Variants in GFM1 observed in about 807,000 individuals in gnomAD.
GFM1 encodes G elongation factor mitochondrial 1.
GFM1 carries 62 observed loss-of-function variants against 96.2 expected under a neutral mutation model. That is an observed-to-expected ratio of 0.64 (90% CI 0.53 to 0.80). The LOEUF is 0.80. Among genes scored for constraint, GFM1 ranks in the 30% least tolerant of loss-of-function variants. The pLI, the probability that GFM1 is intolerant of heterozygous loss-of-function variation, is 0.00. For synonymous variants in GFM1, 282 were observed against 312.9 expected (o/e 0.90, Z 1.04); for missense variants, 852 against 916.6 (o/e 0.93, Z 0.91).
intron 14 of GFM1, 38 bp from the exon 15 acceptor site, chr3:158,684,486 A>G (rs755346473): frequency 1.1e-5 from 18 of 1,612,224 alleles, no homozygotes; most frequent in Non-Finnish European, 1.5e-5. Context: ...TGCAAGTAAA[A>G]TCCACTCACT....
chr3:158,646,784 G>A lies in GFM1; in HGVS notation c.409G>A (p.Val137Met), dbSNP rs767325554. The A allele has an allele frequency of 6.2e-7, 1 of 1,614,182 alleles. No individual in the cohort carries two copies. The highest frequency in any genetic ancestry group is 1.1e-5 in the South Asian group (1 of 91,074). Residue 137 changes from valine to methionine, a missense_variant, in exon 4 of 18, where the codon GTG (valine) becomes ATG (methionine). Physicochemically the swap from Val to Met is conservative, Grantham distance 21. Coordinates refer to ENST00000486715, the MANE Select transcript of GFM1 (RefSeq NM_024996.7). The part of the protein sequence containing the change: ...FTIEVERALR[V>M]LDGAVLVLCA... ...AATAGAAGTGGAAAGGGCCCTGAGA[G>A]TGTTGGATGGTGCAGTCCTTGTTCT...
intron 10 of GFM1, among the ~76,000 whole-genome samples, chr3:158,661,430 G>T (rs2108041607): frequency 6.6e-6 from 1 of 152,290 alleles, no homozygotes; most frequent in East Asian, 1.9e-4. Flanking sequence ...AGACCAGACT[G>T]TAACATTTAG....
At chr3:158,655,819 CT>C in intron 8 of GFM1, 1 of 453,564 alleles carries the variant, frequency 2.2e-6, no homozygotes, top group South Asian at 1.6e-5. Flanking sequence ...TGTCTAGGTC[CT>C]TTTTCCGTCT....
chr3:158,682,446 A>G, intron 14 of GFM1: 2 of 353,508 alleles, frequency 5.7e-6, no homozygotes, highest in South Asian at 3.1e-5. Context: ...AATTTGTAGT[A>G]GTTCTTAGGG....
chr3:158,673,920 T>C (rs1340972103), intron 13 of GFM1, among the ~76,000 whole-genome samples: 7 of 149,788 alleles, frequency 4.7e-5, no homozygotes, highest in Admixed American at 1.3e-4. Flanking sequence ...GTTTCATGCT[T>C]ATTATTGTCT....
Position 158,684,641 on chromosome 3 carries a change from C to A in GFM1, c.1882C>A (p.Arg628=). ...TGATTCTAATGAAATCTCTTTCATC[C>A]GAGCAGGAGAAGGTGCTCTTAAACA... The part of the protein sequence containing the change: ...MVDSNEISFI[R]AGEGALKQAL... The change falls in exon 15 of 18, where the codon CGA becomes AGA. Residue 628 remains arginine, a synonymous_variant. Transcript: ENST00000486715. 3.1e-6 allele frequency: 5 copies of A among 1,614,012 alleles called. No individual in the cohort carries two copies. The highest frequency in any genetic ancestry group is 4.2e-6 in the Non-Finnish European group (5 of 1,179,968).
chr3:158,663,304 A>G (rs1723338340), intron 11 of GFM1, among the ~76,000 whole-genome samples: 1 of 152,354 alleles, frequency 6.6e-6, no homozygotes, highest in Non-Finnish European at 1.5e-5. Flanking sequence ...ATCTCAAACC[A>G]TAACTTTTTA....
At chr3:158,690,510 C>T (rs1219626702) in intron 16 of GFM1, 187 bp downstream of exon 16, 3 of 598,616 alleles carry the variant, frequency 5.0e-6, no homozygotes, top group African/African-American at 1.9e-5. Flanking sequence ...TTTATTTTAT[C>T]TTGACCTTTT....
chr3:158,682,806 CTTGAGCCCAGGAGT>C lies in GFM1; in HGVS notation c.1764+655_1764+668del, dbSNP rs577292677. ...TTGGGAGGCCGAGGCGGGCAGATCA[CTTGAGCCCAGGAGT>C]TTGAGACCAGCGTGGGCAACATGCT... On this transcript the variant is annotated intron_variant, in intron 14 of 17. Transcript: ENST00000486715. 2.9e-4 allele frequency among the ~76,000 whole-genome samples: 44 copies of C among 152,268 alleles called. No individual in the cohort carries two copies. The South Asian group carries it at 8.9e-3, about 31-fold the overall frequency.
intron 5 of GFM1, chr3:158,650,836 C>T (rs1038514284): frequency 1.3e-5 from 2 of 152,046 alleles, no homozygotes; most frequent in African/African-American, 4.8e-5. Flanking sequence ...TCCTGGCTAA[C>T]ACGGTGAAAC....
At chr3:158,690,442 G>T in intron 16 of GFM1, 119 bp downstream of exon 16, 2 of 937,376 alleles carry the variant, frequency 2.1e-6, no homozygotes, top group South Asian at 2.7e-5. Flanking sequence ...TTATACATGT[G>T]GCATTTTCTG....
chr3:158,652,174 TG>T lies in GFM1; in HGVS notation c.769del (p.Val257LeufsTer23), dbSNP rs2108017010. The T allele has an allele frequency of 6.2e-7, 1 of 1,613,968 alleles. No homozygotes were observed. The highest frequency in any genetic ancestry group is 8.5e-7 in the Non-Finnish European group (1 of 1,179,822). On this transcript the variant is annotated frameshift_variant, in exon 6 of 18. Coordinates refer to ENST00000486715, the MANE Select transcript of GFM1 (RefSeq NM_024996.7). LOFTEE classifies it high-confidence loss of function. Reference protein sequence around the residue: ...TDHRQELIECVANSDEQLGEM... With the variant: ...TDHRQELIECXANSDEQLGEM... Reference sequence around the variant, plus strand: ...ACCACCGGCAGGAGCTAATTGAATGTGTTGCCAATTCAGATGAACAGCTTGG... The same window carrying T: ...ACCACCGGCAGGAGCTAATTGAATGTTTGCCAATTCAGATGAACAGCTTGG...
chr3:158,653,778 A>G (rs1314807666), intron 7 of GFM1, among the ~76,000 whole-genome samples: 1 of 151,984 alleles, frequency 6.6e-6, no homozygotes, highest in Non-Finnish European at 1.5e-5. Flanking sequence ...AAGTTTTAAG[A>G]AACAAACTTC....
intron 13 of GFM1, among the ~76,000 whole-genome samples, chr3:158,673,760 T>C (rs1165370581): frequency 1.3e-5 from 2 of 151,974 alleles, no homozygotes; most frequent in African/African-American, 2.4e-5. Context: ...CACCTTAGCC[T>C]CCCAAAGTGC....
intron 10 of GFM1, among the ~76,000 whole-genome samples, chr3:158,661,573 G>C (rs1229029777): frequency 1.3e-5 from 2 of 152,178 alleles, no homozygotes; most frequent in Non-Finnish European, 2.9e-5. Flanking sequence ...GGGATTCTGA[G>C]GGAAGAGCAT....
At chr3:158,682,260 T>C (rs1020717852) in intron 14 of GFM1, 103 bp downstream of exon 14, 97 of 982,968 alleles carry the variant, frequency 9.9e-5, no homozygotes, top group Non-Finnish European at 1.3e-4. Flanking sequence ...TCACAGTTTG[T>C]TTTAGTTACA....
chr3:158,687,007 A>T (rs1057340326), intron 15 of GFM1, among the ~76,000 whole-genome samples: 2 of 150,746 alleles, frequency 1.3e-5, no homozygotes, highest in Non-Finnish European at 3.0e-5. Flanking sequence ...TGCTGGGATT[A>T]CTTTTCTATT....
Position 158,691,625 on chromosome 3 carries a change from C to T in GFM1, c.*158C>T. On this transcript the variant is annotated 3_prime_UTR_variant, in exon 18 of 18. Transcript: ENST00000486715. ...AAAAGAAGCCCTTCTTGTTCATATT[C>T]AGGAGCTTCTGTTATATTCAAAGGT... The T allele has an allele frequency of 2.9e-6, 2 of 692,878 alleles. No individual in the cohort carries two copies. The highest frequency in any genetic ancestry group is 3.3e-5 in the South Asian group (2 of 59,972). 42.9% of individuals were successfully genotyped at this position (692,878 alleles called of 1,614,324 possible).
rs1724476863 is a variant in GFM1 at position 158,672,716 on chromosome 3, TG to T, written c.1601+6331del. The T allele has an allele frequency of 9.4e-6, 4 of 424,774 alleles. No individual in the cohort carries two copies. In the South Asian group the frequency reaches 9.9e-5, roughly 11 times the overall value. The allele number at this position is 424,774 out of a possible 1,614,324, so 26.3% of individuals were successfully genotyped here. On this transcript the variant is annotated intron_variant, in intron 13 of 17. Transcript: ENST00000486715. Reference sequence around the variant, plus strand: ...TCTGAGGCCCCGCCCCACTACTGCCTGCAGCGGGCTTCCTTACTCCGCCTGC... The same window carrying T: ...TCTGAGGCCCCGCCCCACTACTGCCTCAGCGGGCTTCCTTACTCCGCCTGC...
Sources: allele counts gnomAD v4.1 joint callset (sites outside exome capture counted in the v4.1 genomes callset), GRCh38; gene constraint gnomAD v4.1.1; transcripts MANE v1.5; gene names NCBI Gene and HGNC (gene_info 2026-07-23, HGNC 2026-07-21).